EBF1: variants seen among roughly 807,000 people sequenced by gnomAD.
The protein encoded by EBF1 is transcription factor COE1.
A neutral mutation model predicts 68.4 loss-of-function variants in EBF1; 10 were observed. That is an observed-to-expected ratio of 0.15 (90% CI 0.09 to 0.25). The LOEUF (loss-of-function observed/expected upper bound fraction) is 0.25, where lower values mean the gene tolerates loss of function less well. Among genes scored for constraint, EBF1 ranks in the 10% least tolerant of loss-of-function variants. The pLI is 1.00. For missense variants in EBF1, 509 were observed against 794.4 expected, an observed-to-expected ratio of 0.64 and a Z score of 4.32; for synonymous variants, 298 against 299.8, an observed-to-expected ratio of 0.99 and a Z score of 0.06.
intron 12 of EBF1, among the ~76,000 whole-genome samples, chr5:158,713,600 C>T (rs1251409192): frequency 1.3e-5 from 2 of 152,192 alleles, no homozygotes; most frequent in African/African-American, 4.8e-5. Context: ...AGATGACTAC[C>T]TGCATTACTG....
At chr5:159,020,279 A>T (rs1192798057) in intron 6 of EBF1, among the ~76,000 whole-genome samples, 3 of 152,100 alleles carry the variant, frequency 2.0e-5, no homozygotes, top group Admixed American at 1.3e-4. Flanking sequence ...GTGCAAAAAA[A>T]TTTTTATTCC....
intron 6 of EBF1, among the ~76,000 whole-genome samples, chr5:159,006,197 T>C (rs920289161): frequency 5.9e-5 from 9 of 152,158 alleles, no homozygotes; most frequent in Admixed American, 5.2e-4. Flanking sequence ...GAAAACTGCA[T>C]GTGTTCCCAG....
intron 6 of EBF1, among the ~76,000 whole-genome samples, chr5:158,887,062 T>G (rs892395369): frequency 1.3e-5 from 2 of 152,170 alleles, no homozygotes; most frequent in African/African-American, 4.8e-5. Flanking sequence ...GAAACCTAGA[T>G]TCTTCAAAGG....
chr5:159,055,433 CT>C lies in EBF1; in HGVS notation c.554+17962del, dbSNP rs1188133957. On this transcript the variant is annotated intron_variant, in intron 6 of 15. Transcript: ENST00000313708. ...GCAGGGGCAGTACTCAAAACCAGGT[CT>C]CCTGTGTCCCAGTTCAGCATTCTAC... 1.2e-4 allele frequency among the ~76,000 whole-genome samples: 18 copies of C among 152,270 alleles called. No individual in the cohort carries two copies. The East Asian group carries it at 1.5e-3, about 13-fold the overall frequency.
At chr5:158,866,391 T>G (rs1016281605) in intron 6 of EBF1, among the ~76,000 whole-genome samples, 5 of 152,308 alleles carry the variant, frequency 3.3e-5, no homozygotes, top group Admixed American at 3.3e-4. Context: ...AACATCATCA[T>G]TTTTCTCTTG....
intron 6 of EBF1, among the ~76,000 whole-genome samples, chr5:159,023,289 T>G (rs1767082344): frequency 6.6e-6 from 1 of 152,034 alleles, no homozygotes; most frequent in South Asian, 2.1e-4. Context: ...GATCATTACA[T>G]GATAGATACA....
intron 6 of EBF1, among the ~76,000 whole-genome samples, chr5:158,994,830 A>T (rs898422386): frequency 2.0e-5 from 3 of 152,240 alleles, no homozygotes; most frequent in African/African-American, 7.2e-5. Flanking sequence ...TGCATTAGGC[A>T]AGAATTCTTC....
chr5:159,001,721 G>T (rs1762581283), intron 6 of EBF1, among the ~76,000 whole-genome samples: 1 of 152,146 alleles, frequency 6.6e-6, no homozygotes, highest in Non-Finnish European at 1.5e-5. Context: ...ACAGATGAAG[G>T]TTCCTCCTCT....
At chr5:158,820,072 C>T (rs1349673960) in intron 8 of EBF1, among the ~76,000 whole-genome samples, 2 of 151,978 alleles carry the variant, frequency 1.3e-5, no homozygotes, top group Non-Finnish European at 2.9e-5. Flanking sequence ...GAAAGGTGAG[C>T]CACAAAAGGA....
chr5:158,994,341 C>T (rs1030107647), intron 6 of EBF1, among the ~76,000 whole-genome samples: 1 of 152,234 alleles, frequency 6.6e-6, no homozygotes, highest in Non-Finnish European at 1.5e-5. Flanking sequence ...AGTGGCTTTG[C>T]CCAAACCCAG....
At chr5:158,898,962 A>C (rs1490205923) in intron 6 of EBF1, among the ~76,000 whole-genome samples, 2 of 152,240 alleles carry the variant, frequency 1.3e-5, no homozygotes, top group East Asian at 3.8e-4. Flanking sequence ...ACAAGGTTTC[A>C]GCCCAAGATG....
chr5:158,762,130 G>A (rs1290027621), intron 10 of EBF1, among the ~76,000 whole-genome samples: 1 of 151,924 alleles, frequency 6.6e-6, no homozygotes, highest in Non-Finnish European at 1.5e-5. Context: ...ATTTAATTTG[G>A]GCAATTATGA....
intron 10 of EBF1, among the ~76,000 whole-genome samples, chr5:158,745,895 C>T (rs539906952): frequency 6.6e-6 from 1 of 152,266 alleles, no homozygotes; most frequent in African/African-American, 2.4e-5. Context: ...CTTTCTTTCA[C>T]GTGCCATCCC....
At chr5:158,761,996 AG>A (rs1340893444) in intron 10 of EBF1, among the ~76,000 whole-genome samples, 2 of 152,206 alleles carry the variant, frequency 1.3e-5, no homozygotes, top group Non-Finnish European at 2.9e-5. Context: ...TATTCTAAGT[AG>A]TATAGAATAA....
intron 6 of EBF1, among the ~76,000 whole-genome samples, chr5:158,882,400 T>G (rs1582857765): frequency 6.6e-6 from 1 of 152,178 alleles, no homozygotes; most frequent in African/African-American, 2.4e-5. Context: ...TAAAATGAGT[T>G]GGCATCCCCA....
intron 6 of EBF1, among the ~76,000 whole-genome samples, chr5:158,929,795 G>T (rs1810448244): frequency 6.6e-6 from 1 of 152,210 alleles, no homozygotes; most frequent in African/African-American, 2.4e-5. Flanking sequence ...TTTGTTTGAT[G>T]CAAAGTTGCT....
At position 158,823,195 on chromosome 5, in the gene EBF1, C is replaced by A. The variant is rs756583953; in HGVS notation, c.759G>T (p.Thr253=). ...GCCTACCATGTTCCAGATAAGAGGG[C>A]GTACCTTCCGAGGGGTCAAGCCTCC... is the stretch of plus-strand genomic sequence containing the variant. ...RARRLDPSEG[T]PSYLEHATPC... is the part of the protein sequence containing the mutation. The change falls in exon 8 of 16, where the codon ACG becomes ACT. Residue 253 remains threonine (T), a synonymous_variant. Transcript: ENST00000313708. 9.9e-6 allele frequency: 16 copies of A among 1,613,820 alleles called. No individual in the cohort carries two copies. In the Admixed American group the frequency reaches 2.5e-4, roughly 25 times the overall value.
chr5:159,055,608 C>A (rs1012319852), intron 6 of EBF1, among the ~76,000 whole-genome samples: 1 of 152,130 alleles, frequency 6.6e-6, no homozygotes, highest in African/African-American at 2.4e-5. Context: ...ACTATTAGTA[C>A]CTTGAAGATG....
At chr5:158,922,798 C>T (rs998709152) in intron 6 of EBF1, among the ~76,000 whole-genome samples, 10 of 152,150 alleles carry the variant, frequency 6.6e-5, no homozygotes, top group African/African-American at 2.2e-4. Flanking sequence ...ATTGAGAAAG[C>T]CTGAGCCAGA....
Sources: gnomAD v4.1 joint callset for allele counts (sites outside exome capture counted in the v4.1 genomes callset) on GRCh38, gnomAD v4.1.1 for gene constraint, MANE v1.5 for transcripts, NCBI Gene and HGNC (gene_info 2026-07-23, HGNC 2026-07-21) for gene names.